The following LRRC18 variants were observed in gnomAD, a reference collection of about 807,000 sequenced individuals.
LRRC18 encodes leucine-rich repeat-containing protein 18.
A neutral mutation model predicts 11.2 loss-of-function variants in LRRC18; 12 were observed. That is an observed-to-expected ratio of 1.07 (90% CI 0.69 to 1.74). LRRC18 has a LOEUF of 1.74. Ranked by LOEUF, LRRC18 falls within the 40% of genes most tolerant of loss-of-function variation. LRRC18 has a pLI of 0.00. For synonymous variants in LRRC18, 155 were observed against 130.6 expected (o/e 1.19, Z -1.27); for missense variants, 374 against 330.5 (o/e 1.13, Z -1.02).
At chr10:48,924,512 A>G in the LRRC18 span, among the ~76,000 whole-genome samples, 3 of 152,240 alleles carry the variant, frequency 2.0e-5, no homozygotes, top group Non-Finnish European at 4.4e-5. Flanking sequence ...AGACGAATGG[A>G]TGTATTTATG....
the LRRC18 span, among the ~76,000 whole-genome samples, chr10:48,938,525 C>T: frequency 6.6e-6 from 1 of 152,246 alleles, no homozygotes; most frequent in Non-Finnish European, 1.5e-5. Context: ...CTGGCTCCTT[C>T]CTCTCTGCCA....
intron 1 of LRRC18, among the ~76,000 whole-genome samples, chr10:48,911,513 A>C (rs1320578592): frequency 2.0e-5 from 3 of 152,226 alleles, no homozygotes; most frequent in Non-Finnish European, 2.9e-5. Flanking sequence ...GAAAACTGAA[A>C]ATAACTTAAA....
At chr10:48,929,102 G>A in the LRRC18 span, among the ~76,000 whole-genome samples, 1 of 152,174 alleles carries the variant, frequency 6.6e-6, no homozygotes, top group Admixed American at 6.5e-5. Context: ...GGCCATCTTT[G>A]AGAAGATGAT....
At chr10:48,929,513 G>C in the LRRC18 span, among the ~76,000 whole-genome samples, 21 of 152,312 alleles carry the variant, frequency 1.4e-4, no homozygotes, top group Admixed American at 8.5e-4. Context: ...CGTGCCCCCT[G>C]AGGTCCATGG....
At chr10:48,930,414 C>T in the LRRC18 span, among the ~76,000 whole-genome samples, 17,772 of 152,216 alleles carry the variant, frequency 0.12, 1,118 homozygotes, top group South Asian at 0.2. Context: ...GATGGCACGA[C>T]GGATTGTTTG....
At chr10:48,933,852 C>T in the LRRC18 span, among the ~76,000 whole-genome samples, 24 of 152,026 alleles carry the variant, frequency 1.6e-4, no homozygotes, top group African/African-American at 5.3e-4. Context: ...CTCATCTCTC[C>T]GCTGATAGGA....
At chr10:48,933,012 C>T in the LRRC18 span, among the ~76,000 whole-genome samples, 4 of 152,134 alleles carry the variant, frequency 2.6e-5, no homozygotes, top group East Asian at 1.9e-4. Context: ...ATAAGGATAA[C>T]GCTGGCCGTG....
chr10:48,910,640 T>C (rs140306538), intron 1 of LRRC18, among the ~76,000 whole-genome samples: 186 of 152,306 alleles, frequency 1.2e-3, no homozygotes, highest in African/African-American at 4.2e-3. Flanking sequence ...CTTGAATGCA[T>C]TGAGGCAAAT....
the LRRC18 span, among the ~76,000 whole-genome samples, chr10:48,923,506 A>ATGTATG: frequency 8.7e-6 from 1 of 115,116 alleles, no homozygotes; most frequent in Non-Finnish European, 2.0e-5. Context: ...GTATATATAT[A>ATGTATG]TATATATGTC....
chr10:48,932,244 C>T, the LRRC18 span, among the ~76,000 whole-genome samples: 1 of 152,186 alleles, frequency 6.6e-6, no homozygotes, highest in Non-Finnish European at 1.5e-5. Context: ...GTGGGGAATG[C>T]TGGTGGAGTC....
At chr10:48,927,335 T>C in the LRRC18 span, among the ~76,000 whole-genome samples, 1 of 152,012 alleles carries the variant, frequency 6.6e-6, no homozygotes, top group Non-Finnish European at 1.5e-5. Flanking sequence ...TCCGCAACAC[T>C]CTCCTTTGTG....
At chr10:48,912,662 T>C (rs6537583) in intron 1 of LRRC18, among the ~76,000 whole-genome samples, 81,814 of 152,124 alleles carry the variant, frequency 0.54, 22,506 homozygotes, top group East Asian at 0.72. Flanking sequence ...AATGCACCAA[T>C]CCATACTTGC....
In LRRC18 at chr10:48,910,509, A is replaced by T. The variant is rs1216444447; in HGVS notation, c.765-251T>A. ...GTATTTTAGAGCATGAAGGAACACC[A>T]ACATCAAACCTTTTCCTTGGCAGAA... On this transcript the variant is annotated intron_variant, in intron 1 of 1. Transcript: ENST00000374160. Among the ~76,000 whole-genome samples, 3 of 152,244 alleles carry T rather than the reference A, an allele frequency of 2.0e-5. No individual in the cohort carries two copies. In the East Asian group the frequency reaches 5.8e-4, roughly 29 times the overall value.
At chr10:48,921,716 C>T in the LRRC18 span, among the ~76,000 whole-genome samples, 6 of 152,096 alleles carry the variant, frequency 3.9e-5, no homozygotes, top group African/African-American at 1.4e-4. Context: ...ATCTTTTCAA[C>T]TCAACAGTAA....
upstream of LRRC18, among the ~76,000 whole-genome samples, chr10:48,915,499 G>T (rs1242754833): frequency 6.6e-6 from 1 of 151,944 alleles, no homozygotes; most frequent in African/African-American, 2.4e-5. Flanking sequence ...TCTGTTCCCT[G>T]CAGGGATGGG....
At chr10:48,924,772 G>A in the LRRC18 span, among the ~76,000 whole-genome samples, 2 of 152,316 alleles carry the variant, frequency 1.3e-5, no homozygotes, top group Non-Finnish European at 2.9e-5. Flanking sequence ...ATATATTAAT[G>A]TCATCCAAAT....
At chr10:48,930,564 C>CTCTG in the LRRC18 span, among the ~76,000 whole-genome samples, 1 of 152,132 alleles carries the variant, frequency 6.6e-6, no homozygotes, top group Non-Finnish European at 1.5e-5. Flanking sequence ...ACGGCTGGTA[C>CTCTG]TCTGGGAAGA....
Position 48,913,470 on chromosome 10 carries a change from G to A in LRRC18, c.686C>T (p.Thr229Met), listed in dbSNP as rs61730452. ...AAAGATGGTCTTTCTCGGTGTCGTCGTGGCCATGTTCTTGATTCTATTCAG... is the reference window on the plus strand; with the variant it reads ...AAAGATGGTCTTTCTCGGTGTCGTCATGGCCATGTTCTTGATTCTATTCAG... Residue 229 changes from threonine (T) to methionine (M), a missense_variant, in exon 1 of 2, where the codon ACG becomes ATG. Transcript: ENST00000374160. The A allele has an allele frequency of 5.1e-3, 7,973 of 1,570,734 alleles. 390 individuals carry two copies. The African/African-American group carries it at 0.1, about 20-fold the overall frequency.
the LRRC18 span, among the ~76,000 whole-genome samples, chr10:48,925,295 G>A: frequency 6.6e-6 from 1 of 152,186 alleles, no homozygotes; most frequent in Non-Finnish European, 1.5e-5. Flanking sequence ...TCTAAAGAGA[G>A]GCGGGGCTGT....
Sources: gnomAD v4.1 joint callset for allele counts (sites outside exome capture counted in the v4.1 genomes callset) on GRCh38, gnomAD v4.1.1 for gene constraint, MANE v1.5 for transcripts, NCBI Gene and HGNC (gene_info 2026-07-23, HGNC 2026-07-21) for gene names.